UGT1A9: variants seen among roughly 807,000 people sequenced by gnomAD.
The protein encoded by UGT1A9 is UDP-glucuronosyltransferase 1A9.
In UGT1A9, 35 loss-of-function variants were observed where a neutral mutation model predicts 45.0. The observed-to-expected ratio is 0.78, with a 90% confidence interval of 0.59 to 1.03. UGT1A9 has a LOEUF of 1.03. Among genes scored for constraint, UGT1A9 ranks in the 50% least tolerant of loss-of-function variants. The pLI is 0.00. For missense variants in UGT1A9, 687 were observed against 666.6 expected (o/e 1.03, Z -0.34); for synonymous variants, 278 against 250.6 (o/e 1.11, Z -1.03).
intron 1 of UGT1A9, among the ~76,000 whole-genome samples, chr2:233,745,982 A>G (rs1693272661): frequency 2.0e-5 from 3 of 151,698 alleles, no homozygotes; most frequent in South Asian, 2.1e-4. Flanking sequence ...TGGGACCATG[A>G]CAGCTGGGTC....
intron 1 of UGT1A9, among the ~76,000 whole-genome samples, chr2:233,726,510 G>T (rs558172784): frequency 5.9e-4 from 89 of 152,028 alleles, no homozygotes; most frequent in Middle Eastern, 3.4e-3. Context: ...GAATTTCATG[G>T]TACTTTTCCA....
At chr2:233,766,321 C>T (rs1182863859) in intron 1 of UGT1A9, among the ~76,000 whole-genome samples, 1 of 152,172 alleles carries the variant, frequency 6.6e-6, no homozygotes. Flanking sequence ...CTCAGCCAAA[C>T]TCCGCGTTGT....
chr2:233,749,095 G>A (rs535774350), intron 1 of UGT1A9, among the ~76,000 whole-genome samples: 9 of 151,904 alleles, frequency 5.9e-5, no homozygotes, highest in Admixed American at 5.2e-4. Context: ...TGTATTTCAT[G>A]AGAGAATTCA....
Position 233,769,822 on chromosome 2 carries a change from T to G in UGT1A9, c.1295+1383T>G, listed in dbSNP as rs978750106. ...ATGAGCCGTGATCATGCCACTGCAC[T>G]CCAGCAACCTGGGCAACAGAGTGAG... On this transcript the variant is annotated intron_variant, in intron 4 of 4. Coordinates refer to ENST00000354728, the MANE Select transcript of UGT1A9 (RefSeq NM_021027.3). This position sits in a 1 kb window ranked among gnomAD's most constrained non-coding sequence, Gnocchi z 4.4. 2.6e-6 allele frequency: 2 copies of G among 764,448 alleles called. No individual in the cohort carries two copies. Among genetic ancestry groups the G allele is most frequent in the Admixed American group, 3.7e-5 (1 of 26,868 alleles). The allele number at this position is 764,448 out of a possible 1,614,324, so 47.4% of individuals were successfully genotyped here.
intron 1 of UGT1A9, among the ~76,000 whole-genome samples, chr2:233,746,060 G>A (rs1011902873): frequency 4.0e-5 from 6 of 151,770 alleles, no homozygotes; most frequent in Admixed American, 3.9e-4. Flanking sequence ...GGTCTAGAAC[G>A]AAAAGAGAAG....
chr2:233,672,608 A>T lies in UGT1A9; in HGVS notation c.674A>T (p.Lys225Ile). 1 of 1,613,834 alleles carries T rather than the reference A, an allele frequency of 6.2e-7. No homozygotes were observed. Among genetic ancestry groups the T allele is most frequent in the Non-Finnish European group, 8.5e-7 (1 of 1,179,804 alleles). The change falls in exon 1 of 5, where the codon AAA becomes ATA. Residue 225 changes from lysine (K) to isoleucine (I), a missense_variant. Coordinates refer to ENST00000354728, the MANE Select transcript of UGT1A9 (RefSeq NM_021027.3). ...CATTTATTATGCCACCGTTTTTTCA[A>T]AAATGCCCTAGAAATAGCCTCTGAA... The part of the protein sequence containing the change: ...EEHLLCHRFF[K>I]NALEIASEIL...
rs111385892 is a variant in UGT1A9, at chr2:233,757,128, A to T, written c.856-9906A>T. Among the ~76,000 whole-genome samples the T allele has an allele frequency of 1.2e-3, 185 of 151,286 alleles. 2 individuals carry two copies. The highest frequency in any genetic ancestry group is 4.0e-3 in the African/African-American group (165 of 41,200). On this transcript the variant is annotated intron_variant, in intron 1 of 4. Transcript: ENST00000354728. Reference sequence around the variant, plus strand: ...CAAGCAGAAGGGCTAGAGAGGAGGAATGAGCTTGGACAGGTGGGCTGGGGT... The same window carrying T: ...CAAGCAGAAGGGCTAGAGAGGAGGATTGAGCTTGGACAGGTGGGCTGGGGT...
At chr2:233,672,841 A>C (rs774561388) in intron 1 of UGT1A9, 52 bp downstream of exon 1, 1 of 1,554,616 alleles carries the variant, frequency 6.4e-7, no homozygotes, top group Non-Finnish European at 8.7e-7. Flanking sequence ...TTGGAAATTA[A>C]AAAAGGATTC....
chr2:233,706,368 A>G (rs970049717), intron 1 of UGT1A9, among the ~76,000 whole-genome samples: 7 of 152,312 alleles, frequency 4.6e-5, no homozygotes, highest in Middle Eastern at 3.4e-3. Context: ...AATTTAGGCC[A>G]TTGTACAAAA....
intron 1 of UGT1A9, chr2:233,691,596 G>A: frequency 1.0e-6 from 1 of 985,720 alleles, no homozygotes; most frequent in African/African-American, 1.7e-5. Flanking sequence ...TTTCTACACA[G>A]GTCTTGCTCT....
At chr2:233,676,287 C>A (rs1366442040) in intron 1 of UGT1A9, among the ~76,000 whole-genome samples, 1 of 152,128 alleles carries the variant, frequency 6.6e-6, no homozygotes, top group African/African-American at 2.4e-5. Flanking sequence ...CCACAGGGGT[C>A]CTGCAAATAT....
At chr2:233,698,700 T>A (rs2075456458) in intron 1 of UGT1A9, among the ~76,000 whole-genome samples, 1 of 152,188 alleles carries the variant, frequency 6.6e-6, no homozygotes, top group Non-Finnish European at 1.5e-5. Context: ...CTAAAAAAAA[T>A]GTGCAAAGCC....
At chr2:233,734,318 A>T (rs1468594401) in intron 1 of UGT1A9, among the ~76,000 whole-genome samples, 1 of 152,016 alleles carries the variant, frequency 6.6e-6, no homozygotes, top group African/African-American at 2.4e-5. Context: ...GTGTAGACGT[A>T]TTTATAGTAT....
At chr2:233,741,968 A>G (rs1276374481) in intron 1 of UGT1A9, 1 of 151,884 alleles carries the variant, frequency 6.6e-6, no homozygotes, top group Non-Finnish European at 1.5e-5. Context: ...TGTTGTGTTT[A>G]TGGTGCCTCA....
chr2:233,751,060 C>T (rs1694630836), intron 1 of UGT1A9, among the ~76,000 whole-genome samples: 1 of 151,896 alleles, frequency 6.6e-6, no homozygotes, highest in South Asian at 2.1e-4. Flanking sequence ...GACACAGACA[C>T]TCAATGCCAG....
At chr2:233,744,574 T>G (rs1165688532) in intron 1 of UGT1A9, among the ~76,000 whole-genome samples, 1 of 151,936 alleles carries the variant, frequency 6.6e-6, no homozygotes, top group Non-Finnish European at 1.5e-5. Context: ...AAGAGTGGCA[T>G]CGTTTTACAG....
chr2:233,746,487 A>G (rs758052145), intron 1 of UGT1A9, among the ~76,000 whole-genome samples: 10 of 151,792 alleles, frequency 6.6e-5, no homozygotes, highest in Middle Eastern at 3.2e-3. Context: ...TTCCATGGAC[A>G]TGTCACTCTT....
At chr2:233,750,007 A>G (rs1252051416) in intron 1 of UGT1A9, among the ~76,000 whole-genome samples, 1 of 151,886 alleles carries the variant, frequency 6.6e-6, no homozygotes, top group African/African-American at 2.4e-5. Flanking sequence ...AATTGGTGCC[A>G]TGGAGAGTGG....
chr2:233,691,176 T>A (rs2075031367), intron 1 of UGT1A9: 1 of 985,600 alleles, frequency 1.0e-6, no homozygotes, highest in African/African-American at 1.7e-5. Flanking sequence ...AATGTCTGCC[T>A]GCTCAAGAAG....
Sources: allele counts gnomAD v4.1 joint callset (sites outside exome capture counted in the v4.1 genomes callset), GRCh38; gene constraint gnomAD v4.1.1; non-coding constraint Gnocchi (gnomAD v3.1); transcripts MANE v1.5; gene names NCBI Gene and HGNC (gene_info 2026-07-23, HGNC 2026-07-21).